SPATS2L: variants seen among roughly 807,000 people sequenced by gnomAD.
SPATS2L encodes spermatogenesis associated serine rich 2 like, also known as SPATS2-like protein.
A neutral mutation model predicts 59.6 loss-of-function variants in SPATS2L; 30 were observed. That is an observed-to-expected ratio of 0.50 (90% CI 0.38 to 0.68). The LOEUF (loss-of-function observed/expected upper bound fraction) is 0.68. SPATS2L is among the 30% of genes least tolerant of loss of function. The probability of loss-of-function intolerance (pLI) is 0.00; values close to 1 mark genes in which losing one functional copy is unlikely to be tolerated. For missense variants in SPATS2L, 615 were observed against 700.0 expected (o/e 0.88, Z 1.37); for synonymous variants, 252 against 263.5 (o/e 0.96, Z 0.42).
intron 8 of SPATS2L, among the ~76,000 whole-genome samples, chr2:200,443,138 C>T (rs934961672): frequency 2.0e-5 from 3 of 152,080 alleles, no homozygotes; most frequent in African/African-American, 7.2e-5. Context: ...CTATGCATGC[C>T]TGCCAAACAG....
At chr2:200,312,819 C>A (rs2079236888) in intron 1 of SPATS2L, among the ~76,000 whole-genome samples, 1 of 152,178 alleles carries the variant, frequency 6.6e-6, no homozygotes, top group Admixed American at 6.5e-5. Flanking sequence ...AGGATTAATA[C>A]TTTAATTCAC....
At position 200,480,101 on chromosome 2, in the gene SPATS2L, T is replaced by A. The variant is rs2087742255; in HGVS notation, c.*2070T>A. On this transcript the variant is annotated 3_prime_UTR_variant, in exon 13 of 13. Transcript: ENST00000409140. Reference sequence around the variant, plus strand: ...AATGTCAGTGTAAATGTGACCGCTTTAAAGATGAGTCAAGTAATTCTTGGA... The same window carrying A: ...AATGTCAGTGTAAATGTGACCGCTTAAAAGATGAGTCAAGTAATTCTTGGA... 1 of 187,836 alleles carries A rather than the reference T, an allele frequency of 5.3e-6. No individual in the cohort carries two copies. The highest frequency in any genetic ancestry group is 1.1e-5 in the Non-Finnish European group (1 of 91,880). 11.6% of individuals were successfully genotyped at this position (187,836 alleles called of 1,614,324 possible). A position where few individuals can be genotyped will look rare whatever the true frequency, so the allele number is the denominator to read the frequency against.
intron 2 of SPATS2L, among the ~76,000 whole-genome samples, chr2:200,338,554 C>A (rs922288657): frequency 2.6e-5 from 4 of 152,124 alleles, no homozygotes; most frequent in Non-Finnish European, 4.4e-5. Context: ...AACCTGAAAG[C>A]CCAGTGGTAT....
intron 2 of SPATS2L, among the ~76,000 whole-genome samples, chr2:200,333,656 C>A (rs2080036965): frequency 6.6e-6 from 1 of 152,038 alleles, no homozygotes; most frequent in South Asian, 2.1e-4. Context: ...TCCCCGCTCC[C>A]CCCACCCCAT....
intron 6 of SPATS2L, among the ~76,000 whole-genome samples, chr2:200,420,879 C>A (rs954311850): frequency 4.6e-4 from 70 of 152,208 alleles, no homozygotes; most frequent in African/African-American, 1.7e-3. Flanking sequence ...TCCTGCCCCC[C>A]AACCCCACCG....
intron 2 of SPATS2L, among the ~76,000 whole-genome samples, chr2:200,348,716 G>T (rs1448275374): frequency 6.6e-6 from 1 of 152,138 alleles, no homozygotes; most frequent in Non-Finnish European, 1.5e-5. Context: ...TTGTAGGATA[G>T]GCACACATGA....
chr2:200,432,941 G>C (rs1215571167), intron 6 of SPATS2L, among the ~76,000 whole-genome samples: 1 of 152,132 alleles, frequency 6.6e-6, no homozygotes, highest in Non-Finnish European at 1.5e-5. Flanking sequence ...AGTGACTTAA[G>C]GAACAGTATC....
At chr2:200,401,566 G>C (rs2082530133) in intron 3 of SPATS2L, among the ~76,000 whole-genome samples, 1 of 152,192 alleles carries the variant, frequency 6.6e-6, no homozygotes, top group Admixed American at 6.5e-5. Context: ...TGACAGGTGA[G>C]CAGTTACACT....
intron 6 of SPATS2L, among the ~76,000 whole-genome samples, chr2:200,429,671 C>T (rs1229758769): frequency 6.6e-6 from 1 of 152,082 alleles, no homozygotes; most frequent in Non-Finnish European, 1.5e-5. Context: ...TAATAGAGAT[C>T]CAGAACCCCA....
intron 3 of SPATS2L, among the ~76,000 whole-genome samples, chr2:200,396,343 A>G (rs1232094877): frequency 2.0e-5 from 3 of 152,022 alleles, no homozygotes; most frequent in African/African-American, 7.3e-5. Flanking sequence ...CATTCAAATA[A>G]AAAACAAGGA....
At chr2:200,397,732 G>T (rs545394721) in intron 3 of SPATS2L, among the ~76,000 whole-genome samples, 20 of 152,002 alleles carry the variant, frequency 1.3e-4, no homozygotes, top group African/African-American at 4.8e-4. Context: ...TTGTCTAATG[G>T]TAATTCTCAA....
At chr2:200,316,527 C>T (rs1195735449) in intron 1 of SPATS2L, among the ~76,000 whole-genome samples, 3 of 152,244 alleles carry the variant, frequency 2.0e-5, no homozygotes, top group Admixed American at 6.5e-5. Context: ...TTCCTTTCAT[C>T]TGAGGCTTAG....
intron 12 of SPATS2L, among the ~76,000 whole-genome samples, chr2:200,474,029 C>G (rs2106246636): frequency 6.6e-6 from 1 of 151,704 alleles, no homozygotes; most frequent in East Asian, 1.9e-4. Context: ...AATAAAGGAT[C>G]TGATGATATA....
Position 200,427,622 on chromosome 2 carries a change from C to G in SPATS2L, c.445+8126C>G, listed in dbSNP as rs544059231. Among the ~76,000 whole-genome samples the G allele has an allele frequency of 7.3e-5, 11 of 151,660 alleles. No homozygotes were observed. In the South Asian group the frequency reaches 2.3e-3, roughly 32 times the overall value. On this transcript the variant is annotated intron_variant, in intron 6 of 12. Coordinates refer to ENST00000409140, the MANE Select transcript of SPATS2L (RefSeq NM_001100423.2). ...AGATGTTATTCCAGTCAGAAAGTTA[C>G]CACCTTTATGCCCTCTGAGCTCATC...
At chr2:200,337,097 C>T (rs573277482) in intron 2 of SPATS2L, among the ~76,000 whole-genome samples, 1 of 152,264 alleles carries the variant, frequency 6.6e-6, no homozygotes, top group African/African-American at 2.4e-5. Context: ...ACATTATCAA[C>T]CCAGTGCCTC....
chr2:200,307,559 G>C (rs1050343337), intron 1 of SPATS2L, among the ~76,000 whole-genome samples: 1 of 152,178 alleles, frequency 6.6e-6, no homozygotes, highest in Non-Finnish European at 1.5e-5. Context: ...AAGCGGTCGC[G>C]CCGCCGCATT....
chr2:200,463,078 A>G (rs768864098), intron 9 of SPATS2L, among the ~76,000 whole-genome samples: 3 of 152,130 alleles, frequency 2.0e-5, no homozygotes, highest in African/African-American at 7.2e-5. Context: ...AATTACCCCA[A>G]CCCGCTCATA....
At chr2:200,379,573 T>C (rs2081728290) in intron 2 of SPATS2L, among the ~76,000 whole-genome samples, 1 of 152,168 alleles carries the variant, frequency 6.6e-6, no homozygotes, top group Non-Finnish European at 1.5e-5. Context: ...GGAACACATA[T>C]TTCTTTTTCA....
chr2:200,315,321 A>G (rs978355105), intron 1 of SPATS2L, among the ~76,000 whole-genome samples: 22 of 152,208 alleles, frequency 1.4e-4, no homozygotes, highest in African/African-American at 5.3e-4. Flanking sequence ...ATTAAAGCAC[A>G]TCTGTCTCAG....
Sources: gnomAD v4.1 joint callset for allele counts (sites outside exome capture counted in the v4.1 genomes callset) on GRCh38, gnomAD v4.1.1 for gene constraint, MANE v1.5 for transcripts, NCBI Gene and HGNC (gene_info 2026-07-23, HGNC 2026-07-21) for gene names.